The following MRPL3 variants were observed in gnomAD, a reference collection of about 807,000 sequenced individuals.
MRPL3 encodes large ribosomal subunit protein uL3m.
MRPL3 carries 43 observed loss-of-function variants against 44.3 expected under a neutral mutation model. That is an observed-to-expected ratio of 0.97 (90% CI 0.76 to 1.25). MRPL3 has a LOEUF of 1.25. Ranked by LOEUF, MRPL3 falls within the 50% of genes most tolerant of loss-of-function variation. The pLI is 0.00. For synonymous variants in MRPL3, 171 were observed against 152.3 expected (o/e 1.12, Z -0.91); for missense variants, 406 against 427.6 (o/e 0.95, Z 0.45).
rs370979201 is a variant in MRPL3 at position 131,496,439 on chromosome 3, T to A, written c.468+1740A>T. 4.9e-4 allele frequency among the ~76,000 whole-genome samples: 75 copies of A among 152,356 alleles called. 2 individuals are homozygous for A. In the South Asian group the frequency reaches 0.015, roughly 30 times the overall value. On this transcript the variant is annotated intron_variant, in intron 4 of 9. Coordinates refer to ENST00000264995, the MANE Select transcript of MRPL3 (RefSeq NM_007208.4). ...ACCATAATATTCAAAAATAGCTAAC[T>A]TCTCTAACACGAAACAAAATAAACC...
intron 9 of MRPL3, among the ~76,000 whole-genome samples, chr3:131,466,763 C>A (rs1352955234): frequency 1.3e-5 from 2 of 151,662 alleles, no homozygotes; most frequent in Non-Finnish European, 2.9e-5. Flanking sequence ...TGTGATGTCT[C>A]AATAAATATA....
At chr3:131,470,594 A>C (rs890657059) in intron 7 of MRPL3, among the ~76,000 whole-genome samples, 11 of 151,738 alleles carry the variant, frequency 7.2e-5, no homozygotes, top group African/African-American at 2.2e-4. Context: ...ATATGACTAC[A>C]ATGTTCCAGT....
Position 131,500,561 on chromosome 3 carries a change from G to A in MRPL3, c.278-40C>T, listed in dbSNP as rs771255850. 3.9e-6 allele frequency: 6 copies of A among 1,521,300 alleles called. No individual in the cohort carries two copies. The South Asian group carries it at 4.5e-5, about 11-fold the overall frequency. The allele number at this position is 1,521,300 out of a possible 1,614,324, so 94.2% of individuals were successfully genotyped here. On this transcript the variant is annotated intron_variant, in intron 2 of 9. Transcript: ENST00000264995. ...CAAAGCAATGTGAACAAAAGCTTTT[G>A]CAACATTCACCAACATTATGAAATC...
In MRPL3 at chr3:131,493,238, A is replaced by T. The variant is rs1178344913; in HGVS notation, c.469-3158T>A. ...GGAAGAGGGAACAGCAGGTAGATGT[A>T]TCTGTGTTCGTTTTATTCTGGTGAA... On this transcript the variant is annotated intron_variant, in intron 4 of 9. Transcript: ENST00000264995. 3.3e-5 allele frequency among the ~76,000 whole-genome samples: 5 copies of T among 152,314 alleles called. No homozygotes were observed. The East Asian group carries it at 9.7e-4, about 29-fold the overall frequency.
At chr3:131,493,977 G>C (rs1334660213) in intron 4 of MRPL3, among the ~76,000 whole-genome samples, 1 of 152,168 alleles carries the variant, frequency 6.6e-6, no homozygotes, top group Non-Finnish European at 1.5e-5. Context: ...TTAGTTACTT[G>C]TTCAGTTTAA....
chr3:131,500,877 T>C (rs984632787), intron 2 of MRPL3, among the ~76,000 whole-genome samples: 3 of 152,242 alleles, frequency 2.0e-5, no homozygotes, highest in African/African-American at 4.8e-5. Context: ...AGAAAACATC[T>C]ATCACTCAAA....
chr3:131,489,977 T>C lies in MRPL3; in HGVS notation c.568+4A>G, dbSNP rs763733712. The C allele has an allele frequency of 6.3e-7, 1 of 1,587,766 alleles. No individual in the cohort carries two copies. Among genetic ancestry groups the C allele is most frequent in the Non-Finnish European group, 8.6e-7 (1 of 1,157,618 alleles). Reference sequence around the variant, plus strand: ...CCTCCCTCCTCTCCCCAACCTCAAATTACCTGGTTTAATTGCAGCATTATC... The same window carrying C: ...CCTCCCTCCTCTCCCCAACCTCAAACTACCTGGTTTAATTGCAGCATTATC... On this transcript the variant is annotated splice_donor_region_variant and intron_variant, in intron 5 of 9. Coordinates refer to ENST00000264995, the MANE Select transcript of MRPL3 (RefSeq NM_007208.4).
chr3:131,476,248 CA>C lies in MRPL3; in HGVS notation c.630-4970del, dbSNP rs374772177. Among the ~76,000 whole-genome samples the C allele has an allele frequency of 4.6e-5, 7 of 152,256 alleles. No homozygotes were observed. The South Asian group carries it at 1.4e-3, about 32-fold the overall frequency. The stretch of plus-strand genomic sequence containing the variant: ...GAGAACCTCTTCAGTAACCTTTAAA[CA>C]AAAGAACAAAACACAAATAACATGA... On this transcript the variant is annotated intron_variant, in intron 6 of 9. Coordinates refer to ENST00000264995, the MANE Select transcript of MRPL3 (RefSeq NM_007208.4).
chr3:131,473,648 T>A (rs1270455453), intron 6 of MRPL3, among the ~76,000 whole-genome samples: 2 of 151,602 alleles, frequency 1.3e-5, no homozygotes, highest in Non-Finnish European at 2.9e-5. Flanking sequence ...ACAAGAGATA[T>A]CTAAAATATA....
chr3:131,481,699 A>T (rs1022400768), intron 6 of MRPL3, among the ~76,000 whole-genome samples: 1 of 152,144 alleles, frequency 6.6e-6, no homozygotes, highest in Non-Finnish European at 1.5e-5. Context: ...ACCCCAACAC[A>T]CTGCTCTCCA....
At chr3:131,495,427 A>C (rs968139685) in intron 4 of MRPL3, among the ~76,000 whole-genome samples, 5 of 152,126 alleles carry the variant, frequency 3.3e-5, no homozygotes, top group Non-Finnish European at 5.9e-5. Context: ...TAGAAATTTT[A>C]TATCTTGAAG....
intron 4 of MRPL3, among the ~76,000 whole-genome samples, chr3:131,494,367 AAC>A (rs1444402189): frequency 6.6e-6 from 1 of 152,230 alleles, no homozygotes; most frequent in Non-Finnish European, 1.5e-5. Context: ...AACAAGAGCA[AAC>A]ACAAAATTTT....
At chr3:131,494,478 C>T (rs918812745) in intron 4 of MRPL3, among the ~76,000 whole-genome samples, 3 of 152,100 alleles carry the variant, frequency 2.0e-5, no homozygotes, top group Non-Finnish European at 4.4e-5. Context: ...TGACATTCAC[C>T]TATTCCACGT....
intron 3 of MRPL3, among the ~76,000 whole-genome samples, chr3:131,498,773 A>G (rs1045502997): frequency 3.9e-5 from 6 of 152,118 alleles, no homozygotes; most frequent in Non-Finnish European, 7.4e-5. Flanking sequence ...GTATAAACAA[A>G]ATATACATGT....
At position 131,481,244 on chromosome 3, in the gene MRPL3, AC is replaced by A. The variant is rs1933979023; in HGVS notation, c.629+6435del. ...GGCAAAACTTAATGTATTGGAAAAC[AC>A]CAGAATTGAATTCCTAATAATGTCA... On this transcript the variant is annotated intron_variant, in intron 6 of 9. Coordinates refer to ENST00000264995, the MANE Select transcript of MRPL3 (RefSeq NM_007208.4). Among the ~76,000 whole-genome samples the A allele has an allele frequency of 7.2e-5, 11 of 152,364 alleles. No individual in the cohort carries two copies. The South Asian group carries it at 2.3e-3, about 32-fold the overall frequency.
At chr3:131,487,792 AACT>A in intron 5 of MRPL3, 52 bp from the exon 6 acceptor site, 1 of 1,404,796 alleles carries the variant, frequency 7.1e-7, no homozygotes, top group South Asian at 1.2e-5. Context: ...GCACAGAAAC[AACT>A]TTATTCAACA....
At chr3:131,481,013 G>A (rs773706113) in intron 6 of MRPL3, among the ~76,000 whole-genome samples, 14 of 152,184 alleles carry the variant, frequency 9.2e-5, no homozygotes, top group Non-Finnish European at 4.4e-5. Flanking sequence ...GAAACATCCA[G>A]CCACGCTTTC....
At chr3:131,496,682 T>C (rs1201127043) in intron 4 of MRPL3, among the ~76,000 whole-genome samples, 1 of 152,206 alleles carries the variant, frequency 6.6e-6, no homozygotes, top group Admixed American at 6.5e-5. Context: ...TCAATGCAAC[T>C]GCCTTGCTTC....
Position 131,502,789 on chromosome 3 carries a change from G to A in MRPL3, c.33C>T (p.Gly11=). The change falls in exon 1 of 10, where the codon GGC becomes GGT. Residue 11 remains glycine (G), a synonymous_variant. Coordinates refer to ENST00000264995, the MANE Select transcript of MRPL3 (RefSeq NM_007208.4). Reference sequence around the variant, plus strand: ...CCCCGAGTCGACCCAGCACCTGGGCGCCGACCTGCGTCAGCAGCCTCCAAC... The same window carrying A: ...CCCCGAGTCGACCCAGCACCTGGGCACCGACCTGCGTCAGCAGCCTCCAAC... MPGWRLLTQV[G]AQVLGRLGDG... The A allele has an allele frequency of 1.9e-6, 3 of 1,612,280 alleles. No individual in the cohort carries two copies. Among genetic ancestry groups the A allele is most frequent in the Non-Finnish European group, 2.5e-6 (3 of 1,179,324 alleles).
Sources: gnomAD v4.1 joint callset for allele counts (sites outside exome capture counted in the v4.1 genomes callset) on GRCh38, gnomAD v4.1.1 for gene constraint, MANE v1.5 for transcripts, NCBI Gene and HGNC (gene_info 2026-07-23, HGNC 2026-07-21) for gene names.